The following PRKAG2 variants were observed in gnomAD, a reference collection of about 807,000 sequenced individuals.
PRKAG2 encodes 5'-AMP-activated protein kinase subunit gamma-2.
A neutral mutation model predicts 69.6 loss-of-function variants in PRKAG2; 26 were observed. That is an observed-to-expected ratio of 0.37 (90% CI 0.27 to 0.52). The LOEUF (loss-of-function observed/expected upper bound fraction) is 0.52, where lower values mean the gene tolerates loss of function less well. PRKAG2 is among the 20% of genes least tolerant of loss of function. The probability of loss-of-function intolerance (pLI) is 0.90; values close to 1 mark genes in which losing one functional copy is unlikely to be tolerated. For synonymous variants in PRKAG2, 293 were observed against 285.0 expected (o/e 1.03, Z -0.28); for missense variants, 557 against 740.0 (o/e 0.75, Z 2.87).
chr7:151,717,483 G>A (rs1031386163), intron 3 of PRKAG2, among the ~76,000 whole-genome samples: 2 of 152,178 alleles, frequency 1.3e-5, no homozygotes, highest in African/African-American at 4.8e-5. Context: ...GAAACGCCAG[G>A]TGAAGAGAAT....
chr7:151,637,848 G>A (rs771950964), intron 4 of PRKAG2, among the ~76,000 whole-genome samples: 3 of 152,066 alleles, frequency 2.0e-5, no homozygotes, highest in Non-Finnish European at 2.9e-5. Context: ...GGTGGTCGTC[G>A]TTGCCCTTTT....
chr7:151,569,242 C>T (rs918690458), intron 10 of PRKAG2, among the ~76,000 whole-genome samples: 2 of 152,178 alleles, frequency 1.3e-5, no homozygotes, highest in Non-Finnish European at 2.9e-5. Context: ...GCCACGTTGC[C>T]CAGGCTGCTC....
chr7:151,793,314 A>G (rs116591580), intron 1 of PRKAG2, among the ~76,000 whole-genome samples: 2,755 of 152,320 alleles, frequency 0.018, 83 homozygotes, highest in African/African-American at 0.062. Context: ...CTCTGCCTTC[A>G]CAACGCTATC....
chr7:151,779,399 G>A (rs1426931818), intron 3 of PRKAG2, among the ~76,000 whole-genome samples: 5 of 152,106 alleles, frequency 3.3e-5, no homozygotes, highest in African/African-American at 7.2e-5. Flanking sequence ...TCCTCTCCCC[G>A]CTCCTCCCTC....
At chr7:151,748,135 G>A (rs2074415518) in intron 3 of PRKAG2, among the ~76,000 whole-genome samples, 1 of 151,928 alleles carries the variant, frequency 6.6e-6, no homozygotes, top group African/African-American at 2.4e-5. Flanking sequence ...TGCCCAGACT[G>A]GTCTCAAACT....
chr7:151,602,755 G>A (rs567353825), intron 5 of PRKAG2, among the ~76,000 whole-genome samples: 1 of 152,142 alleles, frequency 6.6e-6, no homozygotes, highest in African/African-American at 2.4e-5. Context: ...GGCAGGACCT[G>A]CTGGGAGGTG....
At chr7:151,718,278 A>AG (rs147529174) in intron 3 of PRKAG2, among the ~76,000 whole-genome samples, 32,203 of 151,308 alleles carry the variant, frequency 0.21, 4,037 homozygotes, top group Non-Finnish European at 0.29. Flanking sequence ...TGGTGGGTGG[A>AG]GGGGGGGGTA....
At chr7:151,853,253 G>A (rs1426596298) in intron 1 of PRKAG2, among the ~76,000 whole-genome samples, 3 of 152,134 alleles carry the variant, frequency 2.0e-5, no homozygotes, top group Non-Finnish European at 2.9e-5. Context: ...CAGCTGGGTC[G>A]ACACAGCAAG....
At chr7:151,733,730 G>A (rs1322852799) in intron 3 of PRKAG2, among the ~76,000 whole-genome samples, 3 of 150,092 alleles carry the variant, frequency 2.0e-5, no homozygotes, top group Admixed American at 6.6e-5. Context: ...AGGGTCTTGC[G>A]CTGACTCCCA....
chr7:151,731,669 C>T (rs931101778), intron 3 of PRKAG2, among the ~76,000 whole-genome samples: 4 of 152,082 alleles, frequency 2.6e-5, no homozygotes, highest in Non-Finnish European at 5.9e-5. Context: ...CAGAGGAGCC[C>T]GTGGTTCCTG....
chr7:151,586,305 AAAAG>A (rs199669013), intron 6 of PRKAG2, among the ~76,000 whole-genome samples: 5,124 of 151,538 alleles, frequency 0.034, 294 homozygotes, highest in African/African-American at 0.12. Context: ...CAACAGCCAC[AAAAG>A]AAAGGCAGGT....
chr7:151,708,920 G>A (rs774354257), intron 3 of PRKAG2, among the ~76,000 whole-genome samples: 2 of 152,276 alleles, frequency 1.3e-5, no homozygotes, highest in African/African-American at 4.8e-5. Flanking sequence ...ACCAGGGCAC[G>A]CCACTGCTCT....
intron 5 of PRKAG2, among the ~76,000 whole-genome samples, chr7:151,604,880 C>T (rs759632585): frequency 1.3e-5 from 2 of 152,092 alleles, no homozygotes; most frequent in Non-Finnish European, 1.5e-5. Flanking sequence ...TTGGAGGATG[C>T]CCATTGGCTG....
At chr7:151,822,504 C>T (rs1007087780) in intron 1 of PRKAG2, among the ~76,000 whole-genome samples, 1 of 152,156 alleles carries the variant, frequency 6.6e-6, no homozygotes, top group Non-Finnish European at 1.5e-5. Flanking sequence ...TCAGAGCACG[C>T]GGCGGCCCAG....
chr7:151,557,821 G>C (rs559048169), intron 15 of PRKAG2: 9 of 786,620 alleles, frequency 1.1e-5, no homozygotes, highest in African/African-American at 1.9e-5. Flanking sequence ...AGTGAGCCGA[G>C]AGATCATGCC....
chr7:151,561,129 C>T (rs1804858416), intron 14 of PRKAG2, among the ~76,000 whole-genome samples: 1 of 152,158 alleles, frequency 6.6e-6, no homozygotes, highest in Non-Finnish European at 1.5e-5. Context: ...TATCTATCTC[C>T]TGTCTCTAAT....
intron 1 of PRKAG2, among the ~76,000 whole-genome samples, chr7:151,861,464 G>A (rs11762502): frequency 7.0e-6 from 1 of 142,776 alleles, no homozygotes; most frequent in Non-Finnish European, 1.5e-5. Context: ...GGAGGCTGAG[G>A]TTGCAGTGAG....
chr7:151,855,042 ACCG>A (rs1452476219), intron 1 of PRKAG2, among the ~76,000 whole-genome samples: 1 of 48,336 alleles, frequency 2.1e-5, no homozygotes. Context: ...CTCCACACAC[ACCG>A]CCCTCCACAC....
intron 4 of PRKAG2, among the ~76,000 whole-genome samples, chr7:151,664,904 CAGATTTTATCTTG>C (rs1251173914): frequency 6.6e-6 from 1 of 152,034 alleles, no homozygotes; most frequent in African/African-American, 2.4e-5. Context: ...TTAAGGGATG[CAGATTTTATCTTG>C]AGAACTCTAT....
Sources: allele counts gnomAD v4.1 joint callset (sites outside exome capture counted in the v4.1 genomes callset), GRCh38; gene constraint gnomAD v4.1.1; transcripts MANE v1.5; gene names NCBI Gene and HGNC (gene_info 2026-07-23, HGNC 2026-07-21).